Variants in SEMA6D observed in about 807,000 individuals in gnomAD.
SEMA6D encodes semaphorin-6D.
In SEMA6D, 35 loss-of-function variants were observed where a neutral mutation model predicts 106.6. The ratio of observed to expected loss-of-function variants is 0.33; its 90% CI spans 0.25 to 0.44. The LOEUF (loss-of-function observed/expected upper bound fraction) is 0.44, where lower values mean the gene tolerates loss of function less well. Among genes scored for constraint, SEMA6D ranks in the 20% least tolerant of loss-of-function variants. SEMA6D has a pLI of 1.00. For synonymous variants in SEMA6D, 499 were observed against 487.7 expected (o/e 1.02, Z -0.31); for missense variants, 1,185 against 1,345.9 (o/e 0.88, Z 1.87).
chr15:47,512,375 C>T (rs1312585859), intron 3 of SEMA6D, among the ~76,000 whole-genome samples: 1 of 152,200 alleles, frequency 6.6e-6, no homozygotes, highest in Non-Finnish European at 1.5e-5. Flanking sequence ...GACCATGCAT[C>T]ATGCGCAATA....
intron 4 of SEMA6D, 47 bp downstream of exon 4, chr15:47,761,085 GATTA>G (rs1567093513): frequency 6.2e-7 from 1 of 1,611,688 alleles, no homozygotes; most frequent in East Asian, 2.2e-5. Flanking sequence ...CTCTGAACCT[GATTA>G]ATTTTCCCAC....
At chr15:47,199,295 A>ACC (rs1894560744) in intron 1 of SEMA6D, among the ~76,000 whole-genome samples, 1 of 152,164 alleles carries the variant, frequency 6.6e-6, no homozygotes, top group African/African-American at 2.4e-5. Flanking sequence ...CATGAATTAC[A>ACC]CCACCTGGAG....
At chr15:47,540,099 G>T (rs2045309105) in intron 3 of SEMA6D, among the ~76,000 whole-genome samples, 1 of 152,080 alleles carries the variant, frequency 6.6e-6, no homozygotes. Context: ...ATATGGATGT[G>T]TCTACTGCTC....
At chr15:47,519,574 A>G (rs1332483163) in intron 3 of SEMA6D, among the ~76,000 whole-genome samples, 1 of 152,196 alleles carries the variant, frequency 6.6e-6, no homozygotes, top group Non-Finnish European at 1.5e-5. Flanking sequence ...GACAGGCCAT[A>G]ATCAGCAATA....
chr15:47,197,046 A>G (rs975151495), intron 1 of SEMA6D, among the ~76,000 whole-genome samples: 4 of 152,152 alleles, frequency 2.6e-5, no homozygotes, highest in African/African-American at 9.7e-5. Flanking sequence ...TTGCTCATCT[A>G]TGTGGCCAAA....
chr15:47,405,927 A>G (rs558493824), intron 1 of SEMA6D, among the ~76,000 whole-genome samples: 1 of 152,306 alleles, frequency 6.6e-6, no homozygotes, highest in South Asian at 2.1e-4. Context: ...CATTATGCAT[A>G]TGTATGCAGA....
chr15:47,609,552 G>A (rs2076852075), intron 4 of SEMA6D, among the ~76,000 whole-genome samples: 1 of 152,092 alleles, frequency 6.6e-6, no homozygotes, highest in Non-Finnish European at 1.5e-5. Context: ...CATATACGCA[G>A]GTCTTAATTG....
At chr15:47,696,337 C>T (rs1047214518) in intron 4 of SEMA6D, among the ~76,000 whole-genome samples, 6 of 152,170 alleles carry the variant, frequency 3.9e-5, no homozygotes, top group African/African-American at 1.4e-4. Flanking sequence ...GTCTCCTGAG[C>T]AATGGGGTTT....
intron 1 of SEMA6D, among the ~76,000 whole-genome samples, chr15:47,330,359 A>G (rs1349548696): frequency 6.6e-6 from 1 of 152,176 alleles, no homozygotes; most frequent in Non-Finnish European, 1.5e-5. Flanking sequence ...ATCTCCTAGA[A>G]GGGATCATTA....
chr15:47,545,422 G>C (rs1447304100), intron 3 of SEMA6D, among the ~76,000 whole-genome samples: 41 of 152,058 alleles, frequency 2.7e-4, no homozygotes, highest in Admixed American at 2.2e-3. Flanking sequence ...ACATCCTTTA[G>C]GCTGTAATAC....
At chr15:47,198,828 T>C (rs1041476403) in intron 1 of SEMA6D, among the ~76,000 whole-genome samples, 4 of 152,206 alleles carry the variant, frequency 2.6e-5, no homozygotes, top group African/African-American at 9.6e-5. Flanking sequence ...CACAAAATTA[T>C]ACAGTGACAG....
intron 4 of SEMA6D, among the ~76,000 whole-genome samples, chr15:47,671,166 A>G (rs1344332371): frequency 1.3e-5 from 2 of 152,212 alleles, no homozygotes; most frequent in Admixed American, 1.3e-4. Context: ...TTAGAAAAGG[A>G]AACTGAGTAG....
intron 2 of SEMA6D, among the ~76,000 whole-genome samples, chr15:47,420,373 T>C (rs192494162): frequency 1.9e-4 from 29 of 152,196 alleles, no homozygotes; most frequent in Non-Finnish European, 4.0e-4. Flanking sequence ...TATAAACCTT[T>C]CTTCCCCCTC....
chr15:47,648,709 C>G (rs755041036), intron 4 of SEMA6D, among the ~76,000 whole-genome samples: 8 of 151,994 alleles, frequency 5.3e-5, no homozygotes, highest in African/African-American at 1.9e-4. Context: ...ATTTTTAACC[C>G]GATGTTTTTA....
At chr15:47,565,688 T>C (rs1416995759) in intron 3 of SEMA6D, among the ~76,000 whole-genome samples, 1 of 152,238 alleles carries the variant, frequency 6.6e-6, no homozygotes, top group East Asian at 1.9e-4. Context: ...AGGAATTAAA[T>C]GAGATACAAA....
chr15:47,560,291 A>G lies in SEMA6D; in HGVS notation c.-86-40574A>G, dbSNP rs576471941. 5.9e-5 allele frequency among the ~76,000 whole-genome samples: 9 copies of G among 152,100 alleles called. 1 individual carries two copies. The highest frequency in any genetic ancestry group is 2.2e-4 in the African/African-American group (9 of 41,458). ...CTTTTATTAATAAGTTCCATAAACT[A>G]AAGAAATCTGTTTAAAGAACAAAAA... On this transcript the variant is annotated intron_variant, in intron 3 of 19. Coordinates refer to the SEMA6D transcript ENST00000558014.
chr15:47,407,718 A>G (rs2040642638), intron 1 of SEMA6D, among the ~76,000 whole-genome samples: 1 of 152,222 alleles, frequency 6.6e-6, no homozygotes, highest in East Asian at 1.9e-4. Context: ...TGGTATACAC[A>G]AAGTGCAGAC....
chr15:47,403,175 T>C (rs550237863), intron 1 of SEMA6D, among the ~76,000 whole-genome samples: 1 of 152,244 alleles, frequency 6.6e-6, no homozygotes, highest in South Asian at 2.1e-4. Flanking sequence ...TTTTCCAGAA[T>C]CCCTGTGTTG....
chr15:47,653,666 A>G (rs185974818), intron 4 of SEMA6D, among the ~76,000 whole-genome samples: 2 of 152,366 alleles, frequency 1.3e-5, no homozygotes, highest in Admixed American at 1.3e-4. Context: ...TAAAATAATT[A>G]TTTAACATGG....
Sources: gnomAD v4.1 joint callset for allele counts (sites outside exome capture counted in the v4.1 genomes callset) on GRCh38, gnomAD v4.1.1 for gene constraint, MANE v1.5 for transcripts, NCBI Gene and HGNC (gene_info 2026-07-23, HGNC 2026-07-21) for gene names.